The following LIX1 variants were observed in gnomAD, a reference collection of about 807,000 sequenced individuals.
LIX1 encodes limb and CNS expressed 1.
LIX1 carries 24 observed loss-of-function variants against 33.4 expected under a neutral mutation model. The ratio of observed to expected loss-of-function variants is 0.72; its 90% CI spans 0.52 to 1.01. The LOEUF is 1.01. Among genes scored for constraint, LIX1 ranks in the 50% least tolerant of loss-of-function variants. LIX1 has a pLI of 0.00. For synonymous variants in LIX1, 124 were observed against 124.0 expected (o/e 1.00, Z 0.00); for missense variants, 311 against 339.2 (o/e 0.92, Z 0.65).
chr5:97,099,539 A>C (rs1443329362), intron 4 of LIX1, among the ~76,000 whole-genome samples: 1 of 152,204 alleles, frequency 6.6e-6, no homozygotes, highest in Non-Finnish European at 1.5e-5. Context: ...ATTTTTAGAA[A>C]AGAGAAAATA....
intron 1 of LIX1, among the ~76,000 whole-genome samples, chr5:97,138,314 G>A (rs949587695): frequency 6.6e-6 from 1 of 152,184 alleles, no homozygotes; most frequent in African/African-American, 2.4e-5. Context: ...AGTTTGCCCT[G>A]ATTTTGGCCT....
chr5:97,112,123 C>T (rs1342281107), intron 2 of LIX1, among the ~76,000 whole-genome samples: 1 of 152,206 alleles, frequency 6.6e-6, no homozygotes, highest in Non-Finnish European at 1.5e-5. Context: ...CTTCTAAATT[C>T]TAGAACTACA....
intron 1 of LIX1, among the ~76,000 whole-genome samples, chr5:97,132,160 C>T (rs983882040): frequency 6.6e-6 from 1 of 152,148 alleles, no homozygotes; most frequent in Non-Finnish European, 1.5e-5. Context: ...GTGGCATTGG[C>T]ATGTCTATGT....
intron 2 of LIX1, among the ~76,000 whole-genome samples, chr5:97,108,209 A>G (rs1460233145): frequency 2.0e-5 from 3 of 152,214 alleles, no homozygotes; most frequent in African/African-American, 7.2e-5. Flanking sequence ...TTTGTCCCCC[A>G]CCTTCCTTCT....
rs1363053030 is a variant in LIX1, at chr5:97,114,155, C to T, written c.247-6655G>A. On this transcript the variant is annotated intron_variant, in intron 2 of 5. Transcript: ENST00000274382. ...TGGAATTCTACCACACAAGGTTGCT[C>T]AGCATTCCAAGAAGTATTGATAACT... is the stretch of plus-strand genomic sequence containing the variant. Among the ~76,000 whole-genome samples, 5 of 152,268 alleles carry T rather than the reference C, an allele frequency of 3.3e-5. No individual in the cohort carries two copies. The East Asian group carries it at 9.7e-4, about 29-fold the overall frequency.
intron 1 of LIX1, among the ~76,000 whole-genome samples, chr5:97,141,149 C>A (rs1267605854): frequency 6.6e-6 from 1 of 151,994 alleles, no homozygotes; most frequent in Non-Finnish European, 1.5e-5. Context: ...ACTGCTTCCC[C>A]TATTTAAATG....
intron 2 of LIX1, among the ~76,000 whole-genome samples, chr5:97,108,631 A>G (rs765437171): frequency 1.8e-4 from 28 of 151,420 alleles, no homozygotes; most frequent in Non-Finnish European, 3.4e-4. Context: ...CTGTGAACCC[A>G]GGGATAAGTG....
intron 2 of LIX1, among the ~76,000 whole-genome samples, chr5:97,119,201 A>G (rs1747716388): frequency 1.3e-5 from 2 of 152,178 alleles, no homozygotes; most frequent in Non-Finnish European, 2.9e-5. Flanking sequence ...ATGGCTCAGT[A>G]AGAAGGCTAC....
chr5:97,127,118 G>A (rs559273585), intron 1 of LIX1, among the ~76,000 whole-genome samples: 9 of 152,234 alleles, frequency 5.9e-5, no homozygotes, highest in Admixed American at 5.9e-4. Context: ...CAGCAGAGAT[G>A]TCCTAAAGAT....
chr5:97,099,620 T>C (rs1474927437), intron 4 of LIX1, among the ~76,000 whole-genome samples: 1 of 152,146 alleles, frequency 6.6e-6, no homozygotes, highest in Non-Finnish European at 1.5e-5. Context: ...GTGGATCACT[T>C]GAGGTCAGGA....
At chr5:97,118,881 G>A (rs1420026135) in intron 2 of LIX1, among the ~76,000 whole-genome samples, 1 of 151,820 alleles carries the variant, frequency 6.6e-6, no homozygotes, top group African/African-American at 2.4e-5. Context: ...TGTAGGTTGT[G>A]GTGTCAAGGC....
At chr5:97,142,393 G>T in intron 1 of LIX1, 102 bp downstream of exon 1, 1 of 774,542 alleles carries the variant, frequency 1.3e-6, no homozygotes, top group South Asian at 1.6e-5. Flanking sequence ...CACAGCATAC[G>T]ACTGCAGAGA....
intron 3 of LIX1, among the ~76,000 whole-genome samples, chr5:97,106,167 T>C (rs1747010886): frequency 6.6e-6 from 1 of 152,248 alleles, no homozygotes. Context: ...AAATTACTTT[T>C]ACACTGAGGG....
At chr5:97,139,755 T>A (rs115694811) in intron 1 of LIX1, among the ~76,000 whole-genome samples, 1 of 152,208 alleles carries the variant, frequency 6.6e-6, no homozygotes, top group Non-Finnish European at 1.5e-5. Context: ...TAAAACCTCT[T>A]TCCATTATTT....
intron 1 of LIX1, among the ~76,000 whole-genome samples, chr5:97,134,223 G>A (rs1429173227): frequency 1.3e-5 from 2 of 152,184 alleles, no homozygotes; most frequent in African/African-American, 4.8e-5. Context: ...GGGTTGAAGC[G>A]ATTCTCCTGC....
At chr5:97,125,999 G>A (rs549756446) in intron 1 of LIX1, among the ~76,000 whole-genome samples, 1 of 152,318 alleles carries the variant, frequency 6.6e-6, no homozygotes, top group South Asian at 2.1e-4. Context: ...CATAGTTTGA[G>A]CTCCTGGTTT....
At position 97,096,898 on chromosome 5, in the gene LIX1, C is replaced by G. The variant is rs1196310774; in HGVS notation, c.484-11G>C. ...AATGGTCATCAGCTCCTACAAAACC[C>G]AAACACCTATCATTGGTCCCAAAGC... On this transcript the variant is annotated splice_polypyrimidine_tract_variant and intron_variant, in intron 4 of 5. Transcript: ENST00000274382. The G allele has an allele frequency of 6.2e-7, 1 of 1,608,344 alleles. No individual in the cohort carries two copies. The highest frequency in any genetic ancestry group is 2.2e-5 in the East Asian group (1 of 44,856).
chr5:97,103,821 C>T (rs1180358036), intron 4 of LIX1, among the ~76,000 whole-genome samples: 3 of 151,946 alleles, frequency 2.0e-5, no homozygotes, highest in Non-Finnish European at 4.4e-5. Context: ...AAAAATTAGC[C>T]GGGCATGGTG....
chr5:97,097,961 T>G (rs767391469), intron 4 of LIX1, among the ~76,000 whole-genome samples: 8 of 152,208 alleles, frequency 5.3e-5, no homozygotes, highest in Non-Finnish European at 1.2e-4. Flanking sequence ...GACCAATCCA[T>G]TTTTGTCCTC....
Sources: gnomAD v4.1 joint callset for allele counts (sites outside exome capture counted in the v4.1 genomes callset) on GRCh38, gnomAD v4.1.1 for gene constraint, MANE v1.5 for transcripts, NCBI Gene and HGNC (gene_info 2026-07-23, HGNC 2026-07-21) for gene names.